Variants in CTNNA3 observed in about 807,000 individuals in gnomAD.
CTNNA3 encodes catenin alpha-3.
In CTNNA3, 76 loss-of-function variants were observed where a neutral mutation model predicts 95.7. The observed-to-expected ratio is 0.79, with a 90% confidence interval of 0.66 to 0.96. The LOEUF (loss-of-function observed/expected upper bound fraction) is 0.96, where lower values mean the gene tolerates loss of function less well. CTNNA3 is among the 40% of genes least tolerant of loss of function. CTNNA3 has a pLI of 0.00. For missense variants in CTNNA3, 1,191 were observed against 1,089.8 expected (o/e 1.09, Z -1.31); for synonymous variants, 431 against 374.4 (o/e 1.15, Z -1.74).
At chr10:67,164,682 T>C (rs903190097) in intron 7 of CTNNA3, among the ~76,000 whole-genome samples, 1 of 152,088 alleles carries the variant, frequency 6.6e-6, no homozygotes, top group African/African-American at 2.4e-5. Flanking sequence ...CTCTTAATAA[T>C]TAACAGTAAA....
intron 7 of CTNNA3, among the ~76,000 whole-genome samples, chr10:66,945,185 C>T (rs945413531): frequency 3.3e-5 from 5 of 152,172 alleles, no homozygotes; most frequent in Non-Finnish European, 2.9e-5. Context: ...CATCTTTTTC[C>T]ACTAGAAGAT....
chr10:66,468,680 TAGTA>T (rs138445303), intron 11 of CTNNA3, among the ~76,000 whole-genome samples: 9,357 of 151,908 alleles, frequency 0.062, 595 homozygotes, highest in African/African-American at 0.16. Flanking sequence ...AGCTTGATTG[TAGTA>T]AGTATTTTAC....
chr10:66,377,917 A>T (rs1431128702), intron 12 of CTNNA3, among the ~76,000 whole-genome samples: 1 of 152,180 alleles, frequency 6.6e-6, no homozygotes, highest in African/African-American at 2.4e-5. Flanking sequence ...ATAGCAATAT[A>T]AATTTAATAA....
chr10:66,420,798 C>CAAATAAATAAATAAAT lies in CTNNA3; in HGVS notation c.1532-41462_1532-41447dup, dbSNP rs547995552. 1.5e-3 allele frequency among the ~76,000 whole-genome samples: 172 copies of CAAATAAATAAATAAAT among 115,288 alleles called. 3 individuals carry two copies. The East Asian group carries it at 0.035, about 24-fold the overall frequency. 75.6% of individuals were successfully genotyped at this position (115,288 alleles called of 152,430 possible). ...TGGGTGACACAGCAAGACTCTGTCT[C>CAAATAAATAAATAAAT]AAATAAATAAATAAATAAATAAATA... On this transcript the variant is annotated intron_variant, in intron 11 of 17. Transcript: ENST00000433211.
At chr10:66,894,850 C>G (rs889114123) in intron 7 of CTNNA3, among the ~76,000 whole-genome samples, 24 of 151,706 alleles carry the variant, frequency 1.6e-4, no homozygotes, top group Admixed American at 2.0e-4. Context: ...ATCAAAAAAT[C>G]TTGTTTCCCT....
chr10:66,559,685 T>TCAAAAA, intron 10 of CTNNA3, among the ~76,000 whole-genome samples: 1 of 152,086 alleles, frequency 6.6e-6, no homozygotes, highest in South Asian at 2.1e-4. Context: ...CATCTCTGGG[T>TCAAAAA]CTGAAATGTT....
At chr10:66,675,754 G>A (rs1239879788) in intron 9 of CTNNA3, among the ~76,000 whole-genome samples, 1 of 152,072 alleles carries the variant, frequency 6.6e-6, no homozygotes. Context: ...TATTGGCACA[G>A]ATACCATTAT....
At chr10:65,975,681 G>A (rs1317692573) in intron 16 of CTNNA3, among the ~76,000 whole-genome samples, 2 of 152,064 alleles carry the variant, frequency 1.3e-5, no homozygotes, top group Non-Finnish European at 2.9e-5. Flanking sequence ...GCCTTTACAT[G>A]CATAACTTTA....
chr10:66,670,980 T>G (rs1458257466), intron 9 of CTNNA3, among the ~76,000 whole-genome samples: 1 of 152,238 alleles, frequency 6.6e-6, no homozygotes, highest in Non-Finnish European at 1.5e-5. Flanking sequence ...AAGTTTCCAT[T>G]AAGAATGCTT....
At chr10:67,153,178 A>G (rs1178209808) in intron 7 of CTNNA3, among the ~76,000 whole-genome samples, 1 of 151,936 alleles carries the variant, frequency 6.6e-6, no homozygotes, top group African/African-American at 2.4e-5. Context: ...GTTTCACCAT[A>G]TTGGCCAGGT....
intron 15 of CTNNA3, among the ~76,000 whole-genome samples, chr10:66,051,609 T>C (rs983371015): frequency 2.0e-5 from 3 of 152,220 alleles, no homozygotes; most frequent in African/African-American, 7.2e-5. Context: ...CTGAAGATAG[T>C]TTTGAATGAA....
At chr10:66,899,887 C>T (rs1161770440) in intron 7 of CTNNA3, among the ~76,000 whole-genome samples, 2 of 152,154 alleles carry the variant, frequency 1.3e-5, no homozygotes, top group African/African-American at 4.8e-5. Flanking sequence ...CTCAACAAGG[C>T]CTACTGCCTC....
intron 5 of CTNNA3, among the ~76,000 whole-genome samples, chr10:67,328,197 G>A (rs1841628135): frequency 1.3e-5 from 2 of 152,208 alleles, no homozygotes; most frequent in African/African-American, 4.8e-5. Context: ...GTATGGGAGG[G>A]AGCATGGGGG....
At chr10:67,511,599 G>T (rs942483338) in intron 5 of CTNNA3, among the ~76,000 whole-genome samples, 6 of 152,212 alleles carry the variant, frequency 3.9e-5, no homozygotes, top group Non-Finnish European at 7.3e-5. Context: ...CGGTTCACCA[G>T]TATTTTATTG....
At position 67,057,017 on chromosome 10, in the gene CTNNA3, TCATTAAG is replaced by T. The variant is rs569170179; in HGVS notation, c.1047+123293_1047+123299del. ...AATTAAGTTCTCTAATTAGTCACAG[TCATTAAG>T]CACTACATCAGCAATTCTGCCTCCT... On this transcript the variant is annotated intron_variant, in intron 7 of 17. Transcript: ENST00000433211. 4.7e-4 allele frequency among the ~76,000 whole-genome samples: 71 copies of T among 152,326 alleles called. No individual in the cohort carries two copies. In the South Asian group the frequency reaches 0.014, roughly 31 times the overall value.
chr10:67,028,536 C>T (rs1003633679), intron 7 of CTNNA3, among the ~76,000 whole-genome samples: 1 of 151,200 alleles, frequency 6.6e-6, no homozygotes, highest in South Asian at 2.1e-4. Flanking sequence ...TCAATGAAAT[C>T]GAGCAGACAT....
At chr10:67,509,265 A>T (rs559534131) in intron 5 of CTNNA3, among the ~76,000 whole-genome samples, 18 of 151,530 alleles carry the variant, frequency 1.2e-4, no homozygotes, top group African/African-American at 4.4e-4. Flanking sequence ...ATAGGTATAC[A>T]TGTGCCATGT....
At chr10:66,895,054 CAAAA>C (rs537843933) in intron 7 of CTNNA3, among the ~76,000 whole-genome samples, 183 of 115,552 alleles carry the variant, frequency 1.6e-3, no homozygotes, top group Non-Finnish European at 2.6e-3. Flanking sequence ...AACAAATAAA[CAAAA>C]AAAAAAAAAA....
intron 7 of CTNNA3, among the ~76,000 whole-genome samples, chr10:67,125,796 G>A (rs1001798450): frequency 7.2e-5 from 11 of 152,144 alleles, no homozygotes; most frequent in South Asian, 2.1e-4. Flanking sequence ...ATAAGCACAA[G>A]TAGCCCTGTT....
Sources: allele counts gnomAD v4.1 joint callset (sites outside exome capture counted in the v4.1 genomes callset), GRCh38; gene constraint gnomAD v4.1.1; transcripts MANE v1.5; gene names NCBI Gene and HGNC (gene_info 2026-07-23, HGNC 2026-07-21).